TTC7B: variants seen among roughly 807,000 people sequenced by gnomAD.
The protein encoded by TTC7B is tetratricopeptide repeat domain 7B.
A neutral mutation model predicts 106.8 loss-of-function variants in TTC7B; 28 were observed. The observed-to-expected ratio is 0.26, with a 90% CI of 0.19 to 0.36. The LOEUF is 0.36. Among genes scored for constraint, TTC7B ranks in the 10% least tolerant of loss-of-function variants. TTC7B has a pLI of 1.00. For missense variants in TTC7B, 862 were observed against 1,076.4 expected (o/e 0.80, Z 2.79); for synonymous variants, 405 against 430.6 (o/e 0.94, Z 0.74).
chr14:90,746,632 T>C (rs1441955123), intron 3 of TTC7B, among the ~76,000 whole-genome samples: 1 of 152,226 alleles, frequency 6.6e-6, no homozygotes, highest in African/African-American at 2.4e-5. Flanking sequence ...TGGGCTTTAT[T>C]TGCACTTCCT....
At chr14:90,730,286 A>T in intron 4 of TTC7B, 90 bp from the exon 5 acceptor site, 1 of 1,460,120 alleles carries the variant, frequency 6.8e-7, no homozygotes, top group Non-Finnish European at 9.1e-7. Context: ...GCTCGACCTA[A>T]AAAACCAACT....
chr14:90,745,705 TTC>T (rs1889941895), intron 3 of TTC7B, among the ~76,000 whole-genome samples: 1 of 151,338 alleles, frequency 6.6e-6, no homozygotes, highest in South Asian at 2.1e-4. Flanking sequence ...ATTTTTGTTT[TTC>T]TTTTTTTTTT....
intron 3 of TTC7B, among the ~76,000 whole-genome samples, chr14:90,745,959 T>C (rs577006690): frequency 6.7e-6 from 1 of 150,350 alleles, no homozygotes; most frequent in Admixed American, 6.7e-5. Flanking sequence ...CGACTCAGCC[T>C]CCCAAAGTGC....
At chr14:90,641,058 G>A (rs1217195370) in intron 15 of TTC7B, among the ~76,000 whole-genome samples, 1 of 152,144 alleles carries the variant, frequency 6.6e-6, no homozygotes, top group Non-Finnish European at 1.5e-5. Context: ...AAGAATTCCT[G>A]ATTCTCACAA....
rs111275606 is a variant in TTC7B at position 90,750,774 on chromosome 14, C to T, written c.446-5852G>A. Among the ~76,000 whole-genome samples the T allele has an allele frequency of 5.0e-3, 761 of 152,370 alleles. 12 individuals carry two copies. The highest frequency in any genetic ancestry group is 0.017 in the African/African-American group (693 of 41,582). ...ATTGTTCCTTTCCCTCTCCCACATG[C>T]TATGGCATTTATTCCATGTACACAT... On this transcript the variant is annotated intron_variant, in intron 3 of 19. Transcript: ENST00000328459.
intron 1 of TTC7B, among the ~76,000 whole-genome samples, chr14:90,791,055 C>T (rs1389427383): frequency 1.3e-5 from 2 of 152,132 alleles, no homozygotes; most frequent in Non-Finnish European, 2.9e-5. Context: ...CGACTCAGCA[C>T]CCCCACCACA....
At chr14:90,715,175 C>A (rs1157264341) in intron 5 of TTC7B, among the ~76,000 whole-genome samples, 4 of 152,220 alleles carry the variant, frequency 2.6e-5, no homozygotes, top group Admixed American at 2.6e-4. Context: ...ATCCGATGCC[C>A]TGTTGCACAC....
chr14:90,705,080 A>G (rs1888151236), intron 5 of TTC7B, among the ~76,000 whole-genome samples: 1 of 152,228 alleles, frequency 6.6e-6, no homozygotes, highest in African/African-American at 2.4e-5. Context: ...AACCACTGAC[A>G]TGGTAATTAA....
chr14:90,624,352 GGGCACGC>G lies in TTC7B; in HGVS notation c.1752-6314_1752-6308del, dbSNP rs1163242532. Among the ~76,000 whole-genome samples, 1 of 152,150 alleles carries G rather than the reference GGGCACGC, an allele frequency of 6.6e-6. No homozygotes were observed. The highest frequency in any genetic ancestry group is 1.5e-5 in the Non-Finnish European group (1 of 68,028). On this transcript the variant is annotated intron_variant, in intron 15 of 19. Coordinates refer to ENST00000328459, the MANE Select transcript of TTC7B (RefSeq NM_001010854.2). The surrounding 1 kb of genome is among the most constrained non-coding windows in gnomAD (Gnocchi z 4.0). ...CACAACTGCCCCTGGGGAAGCTCTG[GGGCACGC>G]GGCATTGTGACTGTCCAGTGTTCAC...
chr14:90,573,200 T>C (rs1382815456), intron 19 of TTC7B, among the ~76,000 whole-genome samples: 1 of 152,208 alleles, frequency 6.6e-6, no homozygotes, highest in Non-Finnish European at 1.5e-5. Context: ...CTTCTCAGCA[T>C]TGGCTGTGAA....
chr14:90,796,067 G>A (rs58265951), intron 1 of TTC7B, among the ~76,000 whole-genome samples: 7,223 of 152,172 alleles, frequency 0.047, 303 homozygotes, highest in African/African-American at 0.11. Flanking sequence ...CACTCTCTCC[G>A]GCACGCCATG....
In TTC7B at chr14:90,649,624, C is replaced by T. The variant is rs58741902; in HGVS notation, c.1518-2601G>A. Among the ~76,000 whole-genome samples, 1,044 of 152,292 alleles carry T rather than the reference C, an allele frequency of 6.9e-3. 10 individuals carry two copies. Among genetic ancestry groups the T allele is most frequent in the African/African-American group, 0.023 (976 of 41,560 alleles). ...CTAAAAATGTCACCACAAGGATGCT[C>T]ACAAAATGCTTCCCTTATCAAAGCA... On this transcript the variant is annotated intron_variant, in intron 13 of 19. Coordinates refer to ENST00000328459, the MANE Select transcript of TTC7B (RefSeq NM_001010854.2).
intron 5 of TTC7B, among the ~76,000 whole-genome samples, chr14:90,700,164 G>A (rs1238726499): frequency 6.6e-6 from 1 of 152,160 alleles, no homozygotes; most frequent in Non-Finnish European, 1.5e-5. Flanking sequence ...ATAGCGTGGA[G>A]ACCTGGGGGA....
chr14:90,643,217 A>G (rs548536024), intron 15 of TTC7B, among the ~76,000 whole-genome samples: 4 of 151,888 alleles, frequency 2.6e-5, no homozygotes, highest in Non-Finnish European at 5.9e-5. Flanking sequence ...GGCCAGCCTG[A>G]CCAACATGGT....
At chr14:90,809,085 C>T (rs1379583829) in intron 1 of TTC7B, among the ~76,000 whole-genome samples, 3 of 152,176 alleles carry the variant, frequency 2.0e-5, no homozygotes, top group Admixed American at 6.5e-5. Context: ...GTGATATAAT[C>T]GAGTGAGATT....
At chr14:90,554,996 G>A (rs1451566299) in intron 19 of TTC7B, among the ~76,000 whole-genome samples, 1 of 152,196 alleles carries the variant, frequency 6.6e-6, no homozygotes, top group Non-Finnish European at 1.5e-5. Context: ...AGTGGTGACA[G>A]GGTACCTCAC....
chr14:90,647,232 T>G, intron 13 of TTC7B: 2 of 524,522 alleles, frequency 3.8e-6, no homozygotes, highest in South Asian at 2.3e-5. Flanking sequence ...AGAATAGGAG[T>G]GCATTTCTGT....
rs1453183233 is a variant in TTC7B, at chr14:90,534,774, G to A, written c.*6594C>T. 6.6e-6 allele frequency: 1 copy of A among 152,430 alleles called. No homozygotes were observed. Among genetic ancestry groups the A allele is most frequent in the Admixed American group, 6.5e-5 (1 of 15,278 alleles). 9.4% of individuals were successfully genotyped at this position (152,430 alleles called of 1,614,324 possible). On this transcript the variant is annotated 3_prime_UTR_variant, in exon 20 of 20. Transcript: ENST00000328459. The stretch of plus-strand genomic sequence containing the variant: ...CCAGCCTGGAGCCGGCTGTGCTGCA[G>A]GGACCTGGGCTGGGGCTGGGGCAGC...
At chr14:90,568,530 G>A (rs1475853218) in intron 19 of TTC7B, among the ~76,000 whole-genome samples, 1 of 152,186 alleles carries the variant, frequency 6.6e-6, no homozygotes, top group South Asian at 2.1e-4. Context: ...CTGAAGCAAA[G>A]GAATGCCTAG....
Sources: gnomAD v4.1 joint callset for allele counts (sites outside exome capture counted in the v4.1 genomes callset) on GRCh38, gnomAD v4.1.1 for gene constraint, Gnocchi (gnomAD v3.1) non-coding constraint, MANE v1.5 for transcripts, NCBI Gene and HGNC (gene_info 2026-07-23, HGNC 2026-07-21) for gene names.